Variants in TSHR observed in about 807,000 individuals in gnomAD.
The protein encoded by TSHR is thyroid stimulating hormone receptor.
In TSHR, 51 loss-of-function variants were observed where a neutral mutation model predicts 64.1. That is an observed-to-expected ratio of 0.80 (90% confidence interval 0.64 to 1.01). The LOEUF (loss-of-function observed/expected upper bound fraction) is 1.01. Ranked by LOEUF, TSHR falls within the 50% of genes least tolerant of loss-of-function variation. The pLI is 0.00. For missense variants in TSHR, 877 were observed against 942.8 expected, an observed-to-expected ratio of 0.93 and a Z score of 0.91; for synonymous variants, 361 against 361.9, an observed-to-expected ratio of 1.00 and a Z score of 0.03.
intron 3 of TSHR, among the ~76,000 whole-genome samples, chr14:81,082,144 T>C (rs538514564): frequency 6.6e-6 from 1 of 152,254 alleles, no homozygotes; most frequent in Admixed American, 6.5e-5. Flanking sequence ...AAAAACAAAT[T>C]TTCCTTTGTT....
intron 1 of TSHR, among the ~76,000 whole-genome samples, chr14:80,990,618 A>G (rs2139739737): frequency 6.6e-6 from 1 of 152,332 alleles, no homozygotes; most frequent in Middle Eastern, 3.4e-3. Context: ...TTGGAAACAC[A>G]AAACTGGTGA....
rs2140114134 is a variant in TSHR, at chr14:81,144,191, T to A, written c.2133T>A (p.Val711=). The A allele has an allele frequency of 6.2e-7, 1 of 1,613,740 alleles. No individual in the cohort carries two copies. The highest frequency in any genetic ancestry group is 8.5e-7 in the Non-Finnish European group (1 of 1,179,834). Residue 711 remains valine, a synonymous_variant, in exon 10 of 10, where the codon GTT becomes GTA. Transcript: ENST00000298171. ...CTCAGGCATACCGGGGGCAGAGGGT[T>A]CCTCCAAAGAACAGCACTGATATTC... is the stretch of plus-strand genomic sequence containing the variant. The part of the protein sequence containing the change: ...RQAQAYRGQR[V]PPKNSTDIQV...
At chr14:80,960,587 C>CAT (rs1180550901) in intron 1 of TSHR, among the ~76,000 whole-genome samples, 1 of 152,014 alleles carries the variant, frequency 6.6e-6, no homozygotes, top group East Asian at 1.9e-4. Flanking sequence ...ATGTGTCCAT[C>CAT]ATATATATAT....
intron 1 of TSHR, among the ~76,000 whole-genome samples, chr14:80,973,210 C>G (rs1216109122): frequency 6.6e-6 from 1 of 151,850 alleles, no homozygotes; most frequent in Non-Finnish European, 1.5e-5. Context: ...TCGAGACCAT[C>G]CTGGCTAACA....
intron 8 of TSHR, among the ~76,000 whole-genome samples, chr14:81,124,708 T>C (rs1890946077): frequency 7.1e-6 from 1 of 141,624 alleles, no homozygotes; most frequent in Non-Finnish European, 1.6e-5. Context: ...CTTTTAATTG[T>C]CATTTTTTTT....
At position 81,073,008 on chromosome 14, in the gene TSHR, A is replaced by T. The variant is rs1202627499; in HGVS notation, c.317+4680A>T. Among the ~76,000 whole-genome samples, 35 of 72,814 alleles carry T rather than the reference A, an allele frequency of 4.8e-4. 10 individuals carry two copies. The highest frequency in any genetic ancestry group is 1.1e-3 in the Admixed American group (7 of 6,164). 47.8% of individuals were successfully genotyped at this position (72,814 alleles called of 152,430 possible). Reference sequence around the variant, plus strand: ...CGAGACTCCGTCTCAAAAAAAAAAAAAAATAAAAAATAAATATATATATAT... The same window carrying T: ...CGAGACTCCGTCTCAAAAAAAAAAATAAATAAAAAATAAATATATATATAT... On this transcript the variant is annotated intron_variant, in intron 3 of 9. Transcript: ENST00000298171.
intron 8 of TSHR, among the ~76,000 whole-genome samples, chr14:81,121,052 C>G (rs528628043): frequency 1.5e-3 from 233 of 151,932 alleles, no homozygotes; most frequent in Non-Finnish European, 2.6e-3. Context: ...GCCACGAGGT[C>G]CACAACCCAA....
At position 81,144,160 on chromosome 14, in the gene TSHR, G is replaced by T. The variant is rs758957398; in HGVS notation, c.2102G>T (p.Arg701Leu). ...CTCAGCAAGTTTGGCATCTGTAAAC[G>T]CCAGGCTCAGGCATACCGGGGGCAG... Reference protein sequence around the residue: ...ILLSKFGICKRQAQAYRGQRV... With the variant: ...ILLSKFGICKLQAQAYRGQRV... Residue 701 changes from arginine (R) to leucine (L), a missense_variant, in exon 10 of 10, where the codon CGC (arginine) becomes CTC (leucine). Arg to Leu is a moderately radical substitution (Grantham distance 102). Coordinates refer to ENST00000298171, the MANE Select transcript of TSHR (RefSeq NM_000369.5). 3 of 1,614,050 alleles carry T rather than the reference G, an allele frequency of 1.9e-6. No homozygotes were observed. The South Asian group carries it at 3.3e-5, about 18-fold the overall frequency.
chr14:81,136,555 G>C (rs191295687), intron 8 of TSHR, among the ~76,000 whole-genome samples: 28 of 152,306 alleles, frequency 1.8e-4, no homozygotes, highest in Non-Finnish European at 3.5e-4. Flanking sequence ...TATTAAGTTG[G>C]AGACGCCTGT....
chr14:81,100,783 C>A (rs1156857984), intron 7 of TSHR, among the ~76,000 whole-genome samples: 2 of 152,190 alleles, frequency 1.3e-5, no homozygotes, highest in African/African-American at 4.8e-5. Context: ...AGCTTCCATG[C>A]CCTCTCTGGG....
At chr14:81,064,940 T>G (rs1018259716) in intron 2 of TSHR, among the ~76,000 whole-genome samples, 7 of 152,146 alleles carry the variant, frequency 4.6e-5, no homozygotes, top group African/African-American at 1.7e-4. Flanking sequence ...ACTTTTTACA[T>G]CATAACGAGG....
chr14:81,144,104 C>G lies in TSHR; in HGVS notation c.2046C>G (p.Thr682=), dbSNP rs775116489. The G allele has an allele frequency of 6.2e-7, 1 of 1,613,998 alleles. No individual in the cohort carries two copies. The highest frequency in any genetic ancestry group is 1.7e-5 in the Admixed American group (1 of 59,980). ...ATCCATTCCTCTATGCTATTTTCACCAAGGCCTTCCAGAGGGATGTGTTCA... is the reference window on the plus strand; with the variant it reads ...ATCCATTCCTCTATGCTATTTTCACGAAGGCCTTCCAGAGGGATGTGTTCA... ...CANPFLYAIF[T]KAFQRDVFIL... The change falls in exon 10 of 10, where the codon ACC becomes ACG. Residue 682 remains threonine, a synonymous_variant. Transcript: ENST00000298171.
chr14:80,959,273 A>T (rs995838552), intron 1 of TSHR, among the ~76,000 whole-genome samples: 1 of 152,182 alleles, frequency 6.6e-6, no homozygotes, highest in East Asian at 1.9e-4. Context: ...ATGTGTAGGT[A>T]GTTTGAAAAA....
At chr14:81,113,071 C>A (rs930690148) in intron 8 of TSHR, among the ~76,000 whole-genome samples, 1 of 152,176 alleles carries the variant, frequency 6.6e-6, no homozygotes, top group Non-Finnish European at 1.5e-5. Flanking sequence ...TTCACAGGAA[C>A]ATGCCGGCTG....
intron 8 of TSHR, among the ~76,000 whole-genome samples, chr14:81,116,018 C>G (rs1890489260): frequency 6.6e-6 from 1 of 152,110 alleles, no homozygotes. Flanking sequence ...CCTAAAGGAG[C>G]TCCTGAAGGA....
At chr14:81,117,689 T>C (rs1179796336) in intron 8 of TSHR, among the ~76,000 whole-genome samples, 1 of 96,606 alleles carries the variant, frequency 1.0e-5, no homozygotes, top group Admixed American at 1.1e-4. Flanking sequence ...GCCAGCATCA[T>C]TCTGATACCA....
At chr14:80,981,455 G>A (rs190237472) in intron 1 of TSHR, among the ~76,000 whole-genome samples, 1 of 152,270 alleles carries the variant, frequency 6.6e-6, no homozygotes, top group East Asian at 1.9e-4. Context: ...ACAGAGGAGA[G>A]GATGGGAGGC....
chr14:81,141,991 A>G (rs988266091), intron 9 of TSHR, among the ~76,000 whole-genome samples: 1 of 152,182 alleles, frequency 6.6e-6, no homozygotes, highest in Non-Finnish European at 1.5e-5. Context: ...CCATTGTCCC[A>G]TGTTACAAAT....
At chr14:81,115,306 G>A (rs533646625) in intron 8 of TSHR, among the ~76,000 whole-genome samples, 66 of 150,850 alleles carry the variant, frequency 4.4e-4, no homozygotes, top group Non-Finnish European at 7.1e-4. Context: ...AATGTATAAC[G>A]AGAATAACCA....
Sources: allele counts gnomAD v4.1 joint callset (sites outside exome capture counted in the v4.1 genomes callset), GRCh38; gene constraint gnomAD v4.1.1; transcripts MANE v1.5; gene names NCBI Gene and HGNC (gene_info 2026-07-23, HGNC 2026-07-21).